IKZF3: variants seen among roughly 807,000 people sequenced by gnomAD.
The protein encoded by IKZF3 is IKAROS family zinc finger 3.
Under a neutral mutation model 49.0 loss-of-function variants are expected in IKZF3, and 10 were observed. The observed-to-expected ratio is 0.20, with a 90% confidence interval of 0.13 to 0.35. IKZF3 has a LOEUF of 0.35. IKZF3 is among the 10% of genes least tolerant of loss of function. The pLI is 1.00. For missense variants in IKZF3, 498 were observed against 664.8 expected (o/e 0.75, Z 2.76); for synonymous variants, 209 against 228.2 (o/e 0.92, Z 0.76).
Position 39,798,738 on chromosome 17 carries a change from C to T in IKZF3, c.164-5805G>A, listed in dbSNP as rs140520476. Among the ~76,000 whole-genome samples, 3 of 152,210 alleles carry T rather than the reference C, an allele frequency of 2.0e-5. No homozygotes were observed. In the South Asian group the frequency reaches 6.2e-4, roughly 32 times the overall value. Reference sequence around the variant, plus strand: ...GCCAGGATGGTCTCAATCTCCTGACCTCGTGATCCGCCGGCCTCGGCCTCC... The same window carrying T: ...GCCAGGATGGTCTCAATCTCCTGACTTCGTGATCCGCCGGCCTCGGCCTCC... On this transcript the variant is annotated intron_variant, in intron 3 of 7. Transcript: ENST00000346872.
intron 1 of IKZF3, among the ~76,000 whole-genome samples, chr17:39,843,781 T>G (rs765406280): frequency 6.7e-6 from 1 of 148,172 alleles, no homozygotes; most frequent in Non-Finnish European, 1.5e-5. Context: ...CACTCCAGCC[T>G]GGGCGACAGA....
At chr17:39,823,822 G>A (rs557870545) in intron 3 of IKZF3, among the ~76,000 whole-genome samples, 7 of 152,354 alleles carry the variant, frequency 4.6e-5, no homozygotes, top group Admixed American at 4.6e-4. Context: ...TTCAGAGGAT[G>A]TATGAAAACA....
intron 6 of IKZF3, among the ~76,000 whole-genome samples, chr17:39,781,953 G>T (rs943719404): frequency 1.3e-5 from 2 of 152,068 alleles, no homozygotes; most frequent in Admixed American, 6.5e-5. Flanking sequence ...CCACAACTCC[G>T]ATTAGATTGA....
chr17:39,782,114 C>T (rs2060757390), intron 6 of IKZF3, among the ~76,000 whole-genome samples: 1 of 152,150 alleles, frequency 6.6e-6, no homozygotes, highest in Non-Finnish European at 1.5e-5. Flanking sequence ...CTGAATTAAC[C>T]TTGTTTTCTA....
At chr17:39,809,105 G>T (rs938068563) in intron 3 of IKZF3, among the ~76,000 whole-genome samples, 2 of 152,190 alleles carry the variant, frequency 1.3e-5, no homozygotes. Context: ...CCAGACTGAT[G>T]AATATAGTGA....
At chr17:39,823,173 T>C (rs751824956) in intron 3 of IKZF3, among the ~76,000 whole-genome samples, 2 of 152,096 alleles carry the variant, frequency 1.3e-5, no homozygotes, top group African/African-American at 2.4e-5. Context: ...ATATGGACAA[T>C]GAAGTCCAGG....
At chr17:39,835,198 T>C (rs967088002) in intron 1 of IKZF3, 5 of 514,846 alleles carry the variant, frequency 9.7e-6, no homozygotes, top group African/African-American at 9.7e-5. Flanking sequence ...ATGCTCTGCA[T>C]CCCAGACTTC....
chr17:39,814,696 A>T (rs1388162395), intron 3 of IKZF3, among the ~76,000 whole-genome samples: 1 of 152,098 alleles, frequency 6.6e-6, no homozygotes, highest in Non-Finnish European at 1.5e-5. Context: ...ATGACCAAGG[A>T]ACACCAGGCA....
At chr17:39,766,970 GC>G (rs1420048165) in intron 7 of IKZF3, among the ~76,000 whole-genome samples, 1 of 152,024 alleles carries the variant, frequency 6.6e-6, no homozygotes, top group Non-Finnish European at 1.5e-5. Context: ...GGACAGAAGT[GC>G]TGCAAAGAGT....
chr17:39,851,528 A>G (rs891941367), intron 1 of IKZF3, among the ~76,000 whole-genome samples: 3 of 152,172 alleles, frequency 2.0e-5, no homozygotes, highest in Non-Finnish European at 4.4e-5. Context: ...ATGGATCTCA[A>G]AAATCTATTG....
In IKZF3 at chr17:39,763,927, C is replaced by T. The variant is rs2060232973; in HGVS notation, c.*1863G>A. 1 of 152,192 alleles carries T rather than the reference C, an allele frequency of 6.6e-6. No homozygotes were observed. The highest frequency in any genetic ancestry group is 2.1e-4 in the South Asian group (1 of 4,830). The allele number at this position is 152,192 out of a possible 1,614,324, so 9.4% of individuals were successfully genotyped here. A position where few individuals can be genotyped will look rare whatever the true frequency, so the allele number is the denominator to read the frequency against. On this transcript the variant is annotated 3_prime_UTR_variant, in exon 8 of 8. Transcript: ENST00000346872. ...GGAGTGCAGTAGTGTGATCTCCACTCACCGCAACCTCAACCTCCCAGGCTT... is the reference window on the plus strand; with the variant it reads ...GGAGTGCAGTAGTGTGATCTCCACTTACCGCAACCTCAACCTCCCAGGCTT...
intron 3 of IKZF3, among the ~76,000 whole-genome samples, chr17:39,799,019 G>GTA (rs1555631886): frequency 6.6e-6 from 1 of 151,262 alleles, no homozygotes; most frequent in Non-Finnish European, 1.5e-5. Flanking sequence ...GTGTGTGTGT[G>GTA]TTTAACTCAG....
rs2063299876 is a variant in IKZF3, at chr17:39,864,235, G to A, written c.-109C>T. 7.7e-7 allele frequency: 1 copy of A among 1,293,956 alleles called. No individual in the cohort carries two copies. The highest frequency in any genetic ancestry group is 1.6e-5 in the African/African-American group (1 of 64,360). 80.2% of individuals were successfully genotyped at this position (1,293,956 alleles called of 1,614,324 possible). A position where few individuals can be genotyped will look rare whatever the true frequency, so the allele number is the denominator to read the frequency against. On this transcript the variant is annotated 5_prime_UTR_variant, in exon 1 of 8. Transcript: ENST00000346872. Reference sequence around the variant, plus strand: ...AGCTGGCGGGAGATTCCCGGCGCGGGGAGTCCCCGGGATCCGGCAGCCGCG... The same window carrying A: ...AGCTGGCGGGAGATTCCCGGCGCGGAGAGTCCCCGGGATCCGGCAGCCGCG...
chr17:39,779,766 C>T (rs1375261804), intron 6 of IKZF3, among the ~76,000 whole-genome samples: 1 of 151,582 alleles, frequency 6.6e-6, no homozygotes, highest in African/African-American at 2.4e-5. Flanking sequence ...CTGCCCTGGG[C>T]AAACATATTG....
chr17:39,857,593 G>A (rs573442711), intron 1 of IKZF3, among the ~76,000 whole-genome samples: 47 of 152,278 alleles, frequency 3.1e-4, no homozygotes, highest in Non-Finnish European at 4.9e-4. Context: ...ATTGGATTTA[G>A]CCAATACTTC....
intron 3 of IKZF3, among the ~76,000 whole-genome samples, chr17:39,828,778 A>G (rs1274059900): frequency 6.6e-6 from 1 of 152,096 alleles, no homozygotes; most frequent in Non-Finnish European, 1.5e-5. Flanking sequence ...TTTGGCAATC[A>G]CTTGAGGTCA....
chr17:39,798,963 G>C (rs947965233), intron 3 of IKZF3, among the ~76,000 whole-genome samples: 8 of 149,380 alleles, frequency 5.4e-5, no homozygotes, highest in African/African-American at 2.0e-4. Flanking sequence ...AACTAGCTGA[G>C]GGCAGAAGCT....
chr17:39,861,599 C>G (rs1324739103), intron 1 of IKZF3, among the ~76,000 whole-genome samples: 2 of 152,142 alleles, frequency 1.3e-5, no homozygotes, highest in South Asian at 4.1e-4. Flanking sequence ...GGAGGGCAAA[C>G]AGATTCCATC....
intron 7 of IKZF3, among the ~76,000 whole-genome samples, chr17:39,767,042 G>GC (rs1456077648): frequency 3.3e-5 from 5 of 152,088 alleles, no homozygotes; most frequent in African/African-American, 1.2e-4. Context: ...AGAGAAAATA[G>GC]CCCCCCAGAC....
Sources: gnomAD v4.1 joint callset for allele counts (sites outside exome capture counted in the v4.1 genomes callset) on GRCh38, gnomAD v4.1.1 for gene constraint, MANE v1.5 for transcripts, NCBI Gene and HGNC (gene_info 2026-07-23, HGNC 2026-07-21) for gene names.